Variants in TLN2 observed in about 807,000 individuals in gnomAD.
The protein encoded by TLN2 is talin-2.
In TLN2, 118 loss-of-function variants were observed where a neutral mutation model predicts 294.7. The observed-to-expected ratio is 0.40, with a 90% confidence interval of 0.34 to 0.47. The LOEUF is 0.47. TLN2 is among the 20% of genes least tolerant of loss of function. The probability of loss-of-function intolerance (pLI) is 0.84; values close to 1 mark genes in which losing one functional copy is unlikely to be tolerated. For synonymous variants in TLN2, 1,431 were observed against 1,304.5 expected (o/e 1.10, Z -2.09); for missense variants, 3,083 against 3,282.2 (o/e 0.94, Z 1.48).
At chr15:62,824,174 C>T in intron 54 of TLN2, 1 of 331,060 alleles carries the variant, frequency 3.0e-6, no homozygotes, top group South Asian at 2.4e-5. Context: ...GCATTTGAGA[C>T]CTGTATCAGT....
intron 1 of TLN2, among the ~76,000 whole-genome samples, chr15:62,459,088 C>T (rs1027883106): frequency 6.6e-5 from 10 of 152,012 alleles, no homozygotes; most frequent in Admixed American, 4.6e-4. Flanking sequence ...GCAACCTCCA[C>T]CTCCTGGGTT....
intron 24 of TLN2, among the ~76,000 whole-genome samples, chr15:62,718,985 T>C (rs2059957980): frequency 6.6e-6 from 1 of 152,212 alleles, no homozygotes; most frequent in Admixed American, 6.5e-5. Context: ...TGTTTTAACT[T>C]GTGCTGGAGC....
chr15:62,754,086 A>T, intron 36 of TLN2, 170 bp downstream of exon 36: 1 of 941,850 alleles, frequency 1.1e-6, no homozygotes, highest in Admixed American at 4.0e-5. Context: ...ATTGCAAAAT[A>T]TGATGAATCT....
In TLN2 at chr15:62,755,579, C is replaced by T. The variant is rs8033767; in HGVS notation, c.4524C>T (p.Cys1508=). The change falls in exon 37 of 59, where the codon TGC becomes TGT. Residue 1508 remains cysteine, a synonymous_variant. Transcript: ENST00000636159. The part of the protein sequence containing the change: ...TIVAKHTSAL[C]NACRIASSKT... ...TTGCCAAGCACACGTCAGCCTTGTGCAATGCCTGCCGCATCGCCTCATCCA... is the reference window on the plus strand; with the variant it reads ...TTGCCAAGCACACGTCAGCCTTGTGTAATGCCTGCCGCATCGCCTCATCCA... 1,176,268 of 1,614,030 alleles carry T rather than the reference C, an allele frequency of 0.73. 431,835 individuals are homozygous for T. Among genetic ancestry groups the T allele is most frequent in the Admixed American group, 0.82 (49,137 of 60,024 alleles).
At chr15:62,644,476 A>G (rs755932397) in intron 3 of TLN2, 2 of 455,738 alleles carry the variant, frequency 4.4e-6, no homozygotes, top group Non-Finnish European at 8.8e-6. Context: ...GTTCAATTCT[A>G]TATTCCACCT....
chr15:62,590,970 C>T (rs2140736518), intron 2 of TLN2, among the ~76,000 whole-genome samples: 1 of 148,834 alleles, frequency 6.7e-6, no homozygotes, highest in African/African-American at 2.6e-5. Flanking sequence ...AAAGTCAGGA[C>T]CTATTTCTAT....
chr15:62,535,943 T>C (rs917059625), intron 1 of TLN2, among the ~76,000 whole-genome samples: 10 of 152,252 alleles, frequency 6.6e-5, no homozygotes, highest in Admixed American at 5.9e-4. Context: ...CGCAAAGTCT[T>C]GTGACTGCTA....
intron 42 of TLN2, among the ~76,000 whole-genome samples, chr15:62,774,412 G>A (rs1287488833): frequency 6.6e-6 from 1 of 152,144 alleles, no homozygotes; most frequent in Non-Finnish European, 1.5e-5. Flanking sequence ...TTATGAGATT[G>A]CTGTCGGTGG....
intron 1 of TLN2, among the ~76,000 whole-genome samples, chr15:62,457,261 G>C (rs1176967913): frequency 6.6e-6 from 1 of 152,146 alleles, no homozygotes; most frequent in Non-Finnish European, 1.5e-5. Flanking sequence ...AGCGAGAGAG[G>C]GAGAGCGTGC....
chr15:62,692,931 T>G lies in TLN2; in HGVS notation c.1205T>G (p.Ile402Ser). Residue 402 changes from isoleucine to serine, a missense_variant, in exon 13 of 59, where the codon ATC becomes AGC. Physicochemically the swap from Ile to Ser is moderately radical, Grantham distance 142. Transcript: ENST00000636159. ...CTGATTGCAGGCTACATTGACATCATCCTGAAAAAGGTATTTTGTATTGAT... is the reference window on the plus strand; with the variant it reads ...CTGATTGCAGGCTACATTGACATCAGCCTGAAAAAGGTATTTTGTATTGAT... ...SQLIAGYIDIILKKKQSKDRF... is the reference protein window; with the variant it reads ...SQLIAGYIDISLKKKQSKDRF... 6.2e-7 allele frequency: 1 copy of G among 1,610,750 alleles called. No individual in the cohort carries two copies. The highest frequency in any genetic ancestry group is 8.5e-7 in the Non-Finnish European group (1 of 1,178,676).
chr15:62,839,350 A>G (rs1211530417), intron 58 of TLN2, among the ~76,000 whole-genome samples: 1 of 152,224 alleles, frequency 6.6e-6, no homozygotes, highest in African/African-American at 2.4e-5. Flanking sequence ...AATGTAGTAT[A>G]TATTTTTTGT....
At chr15:62,450,561 GTGTGTGTGTGTGTC>G (rs1566981181) in intron 1 of TLN2, among the ~76,000 whole-genome samples, 2 of 150,998 alleles carry the variant, frequency 1.3e-5, no homozygotes, top group Non-Finnish European at 2.9e-5. Flanking sequence ...GTGTGTGTGT[GTGTGTGTGTGTGTC>G]TGTGTGTGTG....
chr15:62,813,229 C>T (rs2066831172), intron 52 of TLN2, among the ~76,000 whole-genome samples: 1 of 152,174 alleles, frequency 6.6e-6, no homozygotes, highest in South Asian at 2.1e-4. Flanking sequence ...AGAATCAGTA[C>T]TCTTAAATCT....
Position 62,531,565 on chromosome 15 carries a change from C to T in TLN2, c.-237-58122C>T, listed in dbSNP as rs73429721. On this transcript the variant is annotated intron_variant, in intron 1 of 58. Coordinates refer to ENST00000636159, the MANE Select transcript of TLN2 (RefSeq NM_015059.3). The stretch of plus-strand genomic sequence containing the variant: ...TTTCAAAGTAAATTTCAGATATTCT[C>T]ACCATAAAAATAAATATTTGAGGTA... Among the ~76,000 whole-genome samples the T allele has an allele frequency of 2.9e-3, 440 of 152,226 alleles. 1 individual carries two copies. The highest frequency in any genetic ancestry group is 9.8e-3 in the African/African-American group (405 of 41,528).
At position 62,694,388 on chromosome 15, in the gene TLN2, A is replaced by G. The variant is rs1237231450; in HGVS notation, c.1288A>G (p.Lys430Glu). The change falls in exon 14 of 59, where the codon AAA becomes GAA. Residue 430 changes from lysine (K) to glutamate (E), a missense_variant. Coordinates refer to ENST00000636159, the MANE Select transcript of TLN2 (RefSeq NM_015059.3). ...CATGTTAGAAGAGTCCGTTTCCCCAAAAAAGTAAGTATTATGAAGAGTACT... is the reference window on the plus strand; with the variant it reads ...CATGTTAGAAGAGTCCGTTTCCCCAGAAAAGTAAGTATTATGAAGAGTACT... ...STMLEESVSP[K>E]KSTILQQQFN... 1.2e-6 allele frequency: 2 copies of G among 1,613,882 alleles called. No individual in the cohort carries two copies. The highest frequency in any genetic ancestry group is 8.5e-7 in the Non-Finnish European group (1 of 1,179,912).
At chr15:62,505,020 G>A (rs566695573) in intron 1 of TLN2, among the ~76,000 whole-genome samples, 28 of 152,184 alleles carry the variant, frequency 1.8e-4, no homozygotes, top group Non-Finnish European at 3.7e-4. Flanking sequence ...GTAGTGGCGC[G>A]ATCTCAGCTC....
intron 2 of TLN2, among the ~76,000 whole-genome samples, chr15:62,612,592 C>G (rs951379839): frequency 1.3e-5 from 2 of 152,118 alleles, no homozygotes; most frequent in African/African-American, 4.8e-5. Context: ...TTTGTGAAAC[C>G]ATAGCAGTCT....
At chr15:62,571,154 A>G (rs191317025) in intron 1 of TLN2, among the ~76,000 whole-genome samples, 109 of 152,252 alleles carry the variant, frequency 7.2e-4, no homozygotes, top group African/African-American at 2.6e-3. Flanking sequence ...TGGTTTTAAA[A>G]TGTAGATGCC....
At chr15:62,702,270 C>A (rs1938351020) in intron 18 of TLN2, 70 bp downstream of exon 18, 4 of 1,476,308 alleles carry the variant, frequency 2.7e-6, no homozygotes, top group Admixed American at 4.1e-5. Flanking sequence ...GACCATGGGG[C>A]TCTTGCTTCC....
Sources: gnomAD v4.1 joint callset for allele counts (sites outside exome capture counted in the v4.1 genomes callset) on GRCh38, gnomAD v4.1.1 for gene constraint, MANE v1.5 for transcripts, NCBI Gene and HGNC (gene_info 2026-07-23, HGNC 2026-07-21) for gene names.